The following EXOC4 variants were observed in gnomAD, a reference collection of about 807,000 sequenced individuals.
The protein encoded by EXOC4 is SEC8-like 1.
A neutral mutation model predicts 107.2 loss-of-function variants in EXOC4; 71 were observed. That is an observed-to-expected ratio of 0.66 (90% CI 0.55 to 0.81). The LOEUF (loss-of-function observed/expected upper bound fraction) is 0.81. Among genes scored for constraint, EXOC4 ranks in the 30% least tolerant of loss-of-function variants. EXOC4 has a pLI of 0.00. For synonymous variants in EXOC4, 456 were observed against 441.2 expected, an observed-to-expected ratio of 1.03 and a Z score of -0.42; for missense variants, 1,108 against 1,189.6, an observed-to-expected ratio of 0.93 and a Z score of 1.01.
intron 2 of EXOC4, among the ~76,000 whole-genome samples, chr7:133,282,453 T>C (rs1267131782): frequency 6.6e-6 from 1 of 152,304 alleles, no homozygotes; most frequent in African/African-American, 2.4e-5. Flanking sequence ...CAGAGTAACA[T>C]AATTTTTCAA....
rs568886026 is a variant in EXOC4, at chr7:133,698,394, G to A, written c.1514+68253G>A. On this transcript the variant is annotated intron_variant, in intron 10 of 17. Transcript: ENST00000253861. ...GCAGGATGATCGCTTGAGCCCAGGA[G>A]TTGAAGACCAGCCTGTGTCTCTACA... Among the ~76,000 whole-genome samples, 408 of 152,078 alleles carry A rather than the reference G, an allele frequency of 2.7e-3. 2 individuals carry two copies. The highest frequency in any genetic ancestry group is 0.01 in the Middle Eastern group (3 of 294).
chr7:133,308,498 A>G (rs369561818), intron 4 of EXOC4, among the ~76,000 whole-genome samples: 2 of 152,204 alleles, frequency 1.3e-5, no homozygotes, highest in African/African-American at 4.8e-5. Flanking sequence ...AACTACGCCC[A>G]CACCTTGATC....
At chr7:133,472,589 G>T (rs1412484341) in intron 7 of EXOC4, among the ~76,000 whole-genome samples, 1 of 152,200 alleles carries the variant, frequency 6.6e-6, no homozygotes, top group East Asian at 1.9e-4. Context: ...TGCAGTCACA[G>T]ATGTGGGACT....
At chr7:133,868,449 A>G (rs1798686649) in intron 11 of EXOC4, among the ~76,000 whole-genome samples, 1 of 152,228 alleles carries the variant, frequency 6.6e-6, no homozygotes, top group Non-Finnish European at 1.5e-5. Flanking sequence ...CTGCCAGTCC[A>G]GAGACCCTCT....
At chr7:133,680,494 C>T (rs10954425) in intron 10 of EXOC4, among the ~76,000 whole-genome samples, 150,320 of 152,306 alleles carry the variant, frequency 0.99, 74,219 homozygotes, top group Middle Eastern at 1. Flanking sequence ...CACGACAGGA[C>T]GTAAAATGGA....
In EXOC4 at chr7:133,375,051, AGAAT is replaced by A. The variant is rs780123907; in HGVS notation, c.1182+50_1182+53del. On this transcript the variant is annotated intron_variant, in intron 7 of 17. Coordinates refer to ENST00000253861, the MANE Select transcript of EXOC4 (RefSeq NM_021807.4). Reference sequence around the variant, plus strand: ...TCATCTTGATTCAGAGTAACAGTTTAGAATAACAACAACAACAGCAACAACAAGC... The same window carrying A: ...TCATCTTGATTCAGAGTAACAGTTTAAACAACAACAACAGCAACAACAAGC... 113 of 1,504,890 alleles carry A rather than the reference AGAAT, an allele frequency of 7.5e-5. 1 individual carries two copies. In the South Asian group the frequency reaches 1.3e-3, roughly 17 times the overall value. The allele number at this position is 1,504,890 out of a possible 1,614,324, so 93.2% of individuals were successfully genotyped here.
intron 17 of EXOC4, among the ~76,000 whole-genome samples, chr7:134,011,252 A>G (rs554369674): frequency 1.3e-4 from 20 of 151,732 alleles, no homozygotes; most frequent in Non-Finnish European, 1.5e-4. Flanking sequence ...TGGTGGCAGC[A>G]TAACAAGAGA....
chr7:133,627,682 G>T (rs977073347), intron 9 of EXOC4, among the ~76,000 whole-genome samples: 3 of 152,172 alleles, frequency 2.0e-5, no homozygotes, highest in Middle Eastern at 3.2e-3. Flanking sequence ...TATTAAAAGT[G>T]TAGTGTTTGT....
intron 5 of EXOC4, among the ~76,000 whole-genome samples, chr7:133,343,618 A>G (rs918097706): frequency 6.7e-6 from 1 of 148,194 alleles, no homozygotes; most frequent in Non-Finnish European, 1.5e-5. Flanking sequence ...TCTGAGTTTC[A>G]TCACTTTCTT....
chr7:133,501,937 A>T (rs78603810), intron 9 of EXOC4, among the ~76,000 whole-genome samples: 5,181 of 152,258 alleles, frequency 0.034, 121 homozygotes, highest in Non-Finnish European at 0.051. Context: ...TTCAAAGGCT[A>T]TCCAATCAAG....
At position 133,721,881 on chromosome 7, in the gene EXOC4, T is replaced by C. The variant is rs560608205; in HGVS notation, c.1514+91740T>C. On this transcript the variant is annotated intron_variant, in intron 10 of 17. Coordinates refer to ENST00000253861, the MANE Select transcript of EXOC4 (RefSeq NM_021807.4). ...TTTTGTGGGGAGTAATAAAATATCC[T>C]TGTCCCTGACCCAGGAGTTTTTGTT... is the stretch of plus-strand genomic sequence containing the variant. Among the ~76,000 whole-genome samples the C allele has an allele frequency of 3.7e-3, 566 of 152,348 alleles. 5 individuals are homozygous for C. The highest frequency in any genetic ancestry group is 0.013 in the African/African-American group (526 of 41,590).
chr7:133,523,893 G>A (rs1457009224), intron 9 of EXOC4, among the ~76,000 whole-genome samples: 6 of 151,830 alleles, frequency 4.0e-5, no homozygotes, highest in African/African-American at 4.8e-5. Flanking sequence ...GAATAGTGCC[G>A]CAATAAACAT....
chr7:133,576,225 A>G (rs1801123921), intron 9 of EXOC4, among the ~76,000 whole-genome samples: 1 of 152,214 alleles, frequency 6.6e-6, no homozygotes, highest in South Asian at 2.1e-4. Flanking sequence ...GCAGGCTGGC[A>G]TGAATGGGTG....
At chr7:133,577,462 A>G (rs1801157814) in intron 9 of EXOC4, among the ~76,000 whole-genome samples, 1 of 152,230 alleles carries the variant, frequency 6.6e-6, no homozygotes, top group East Asian at 1.9e-4. Context: ...AAATTAGAAG[A>G]TCTCTTAAAT....
chr7:133,298,648 G>A (rs548121714), intron 3 of EXOC4, among the ~76,000 whole-genome samples: 6 of 152,168 alleles, frequency 3.9e-5, no homozygotes, highest in South Asian at 4.2e-4. Context: ...ACCGTGTTAC[G>A]TATAGTTTAA....
the EXOC4 span, among the ~76,000 whole-genome samples, chr7:134,085,265 G>C: frequency 1.3e-5 from 2 of 151,080 alleles, no homozygotes; most frequent in African/African-American, 4.9e-5. Context: ...GAGACTTCCA[G>C]AATGGTGAAG....
intron 10 of EXOC4, among the ~76,000 whole-genome samples, chr7:133,650,327 G>C (rs1012943319): frequency 2.2e-4 from 33 of 151,966 alleles, no homozygotes; most frequent in Admixed American, 6.6e-4. Flanking sequence ...AGGAAAAAAG[G>C]CTTGACGATA....
intron 10 of EXOC4, among the ~76,000 whole-genome samples, chr7:133,754,853 C>T (rs1161424476): frequency 6.6e-6 from 1 of 152,084 alleles, no homozygotes; most frequent in Non-Finnish European, 1.5e-5. Context: ...TTGATGCTTT[C>T]TTTTTCTCTA....
At chr7:134,016,282 CT>C (rs561251128) in intron 17 of EXOC4, among the ~76,000 whole-genome samples, 16 of 152,228 alleles carry the variant, frequency 1.1e-4, no homozygotes, top group African/African-American at 3.9e-4. Flanking sequence ...CAGCATGGAG[CT>C]ATTTAAAACC....
Sources: gnomAD v4.1 joint callset for allele counts (sites outside exome capture counted in the v4.1 genomes callset) on GRCh38, gnomAD v4.1.1 for gene constraint, MANE v1.5 for transcripts, NCBI Gene and HGNC (gene_info 2026-07-23, HGNC 2026-07-21) for gene names.